ERCC1: variants seen among roughly 807,000 people sequenced by gnomAD.
ERCC1 encodes ERCC excision repair 1, endonuclease non-catalytic subunit.
In ERCC1, 36 loss-of-function variants were observed where a neutral mutation model predicts 37.6. That is an observed-to-expected ratio of 0.96 (90% CI 0.73 to 1.26). The LOEUF is 1.26. ERCC1 is among the 50% of genes most tolerant of loss of function. The pLI is 0.00. For synonymous variants in ERCC1, 156 were observed against 162.1 expected (o/e 0.96, Z 0.28); for missense variants, 349 against 376.5 (o/e 0.93, Z 0.60).
intron 1 of ERCC1, among the ~76,000 whole-genome samples, chr19:45,432,177 A>G (rs1974850951): frequency 6.6e-6 from 1 of 151,902 alleles, no homozygotes; most frequent in African/African-American, 2.4e-5. Flanking sequence ...TCACCATGTT[A>G]GCCAGGCTGC....
intron 1 of ERCC1, 80 bp downstream of exon 1, chr19:45,423,701 T>G: frequency 8.2e-7 from 1 of 1,219,906 alleles, no homozygotes. Context: ...TCCCCACGCC[T>G]GGCCTTGTCC....
At chr19:45,418,127 C>T (rs553468383) in intron 5 of ERCC1, among the ~76,000 whole-genome samples, 1 of 152,112 alleles carries the variant, frequency 6.6e-6, no homozygotes, top group South Asian at 2.1e-4. Flanking sequence ...ACTTTAGGAT[C>T]ACCTGAGATC....
chr19:45,425,082 A>AT (rs35314737), upstream of ERCC1, among the ~76,000 whole-genome samples: 5,885 of 116,566 alleles, frequency 0.05, 194 homozygotes, highest in Non-Finnish European at 0.08. Context: ...TGCCCGGCTA[A>AT]TTTTTTTTTT....
chr19:45,414,819 G>T (rs754077524), intron 7 of ERCC1, 42 bp downstream of exon 7: 2 of 1,406,680 alleles, frequency 1.4e-6, no homozygotes, highest in Non-Finnish European at 1.0e-6. Flanking sequence ...CCCAGGAGCT[G>T]CGGGGAGGCC....
upstream of ERCC1, among the ~76,000 whole-genome samples, chr19:45,426,411 C>G (rs1974693705): frequency 6.8e-6 from 1 of 146,004 alleles, no homozygotes; most frequent in African/African-American, 2.6e-5. Flanking sequence ...ATTAGCCGGG[C>G]ATGGTGGCAC....
chr19:45,413,633 C>G (rs1479722299), intron 9 of ERCC1, 44 bp downstream of exon 9: 6 of 1,614,198 alleles, frequency 3.7e-6, no homozygotes, highest in South Asian at 1.1e-5. Context: ...ATTTGGGGCT[C>G]TCTCCTTCCC....
chr19:45,434,641 A>G (rs750275546), intron 1 of ERCC1, among the ~76,000 whole-genome samples: 1 of 152,108 alleles, frequency 6.6e-6, no homozygotes, highest in Non-Finnish European at 1.5e-5. Flanking sequence ...GCTGGAGTGC[A>G]GTGGTACGAC....
intron 1 of ERCC1, among the ~76,000 whole-genome samples, chr19:45,447,963 C>T (rs1197639716): frequency 3.3e-5 from 5 of 151,878 alleles, no homozygotes; most frequent in African/African-American, 1.2e-4. Flanking sequence ...CCTCTGCCTC[C>T]CAGGTTCAAG....
chr19:45,421,223 C>T lies in ERCC1; in HGVS notation c.276G>A (p.Leu92=). The T allele has an allele frequency of 6.2e-7, 1 of 1,614,216 alleles. No homozygotes were observed. The highest frequency in any genetic ancestry group is 1.1e-5 in the South Asian group (1 of 91,084). The change falls in exon 3 of 10, where the codon CTG becomes CTA. Residue 92 remains leucine, a synonymous_variant. Transcript: ENST00000300853. The part of the protein sequence containing the change: ...PLAGETPNQA[L]KPGAKSNSII... ...TGCTGTTGGATTTTGCCCCGGGTTT[C>T]AGGGCCTGGTTGGGCGTCTCTCCTG... is the stretch of plus-strand genomic sequence containing the variant.
rs536660390 is a variant in ERCC1 at position 45,433,037 on chromosome 19, G to A, written c.-7-9656C>T. 4.6e-5 allele frequency among the ~76,000 whole-genome samples: 7 copies of A among 152,100 alleles called. No homozygotes were observed. The South Asian group carries it at 1.0e-3, about 23-fold the overall frequency. The stretch of plus-strand genomic sequence containing the variant: ...GGAGTTTGCGGTGAGCCGAGATCGC[G>A]CCACTGCACTCCAGCCTGGGCAACA... On this transcript the variant is annotated intron_variant, in intron 1 of 8. Transcript: ENST00000423698.
In ERCC1 at chr19:45,407,632, G is replaced by T; in HGVS notation, c.*2043C>A. The T allele has an allele frequency of 3.8e-6, 1 of 266,580 alleles. No homozygotes were observed. Among genetic ancestry groups the T allele is most frequent in the Non-Finnish European group, 7.1e-6 (1 of 141,364 alleles). The allele number at this position is 266,580 out of a possible 1,614,324, so 16.5% of individuals were successfully genotyped here. A position where few individuals can be genotyped will look rare whatever the true frequency, so the allele number is the denominator to read the frequency against. The stretch of plus-strand genomic sequence containing the variant: ...AGGCTTGGTGGAACATGTTCTGTAT[G>T]GCCATAAATATTCTGTAATTATAAT... On this transcript the variant is annotated 3_prime_UTR_variant, in exon 10 of 10. Coordinates refer to ENST00000300853, the MANE Select transcript of ERCC1 (RefSeq NM_001983.4).
At chr19:45,447,904 C>T (rs1173408442) in intron 1 of ERCC1, among the ~76,000 whole-genome samples, 4 of 148,640 alleles carry the variant, frequency 2.7e-5, no homozygotes, top group Non-Finnish European at 5.9e-5. Flanking sequence ...TAGTATCTTG[C>T]TCTGTCACCC....
chr19:45,408,166 C>T lies in ERCC1; in HGVS notation c.*1509G>A. ...GGCGGCATGTGCCTCTCTCTGGCTC[C>T]CAGATCGTCAAGGGCAAATTGGCAG... On this transcript the variant is annotated 3_prime_UTR_variant, in exon 10 of 10. Transcript: ENST00000300853. 6.2e-7 allele frequency: 1 copy of T among 1,609,152 alleles called. No homozygotes were observed.
chr19:45,423,870 G>A lies in ERCC1; in HGVS notation c.-97C>T. The A allele has an allele frequency of 9.0e-7, 1 of 1,106,892 alleles. No homozygotes were observed. The highest frequency in any genetic ancestry group is 4.5e-5 in the East Asian group (1 of 22,392). The allele number at this position is 1,106,892 out of a possible 1,614,324, so 68.6% of individuals were successfully genotyped here. A position where few individuals can be genotyped will look rare whatever the true frequency, so the allele number is the denominator to read the frequency against. On this transcript the variant is annotated 5_prime_UTR_variant, in exon 1 of 10. Transcript: ENST00000300853. ...GGAAAGACTGCAGAGGGATCGAGGC[G>A]GCCCACTGCCAGCACGGCCAGCGTG...
chr19:45,426,248 G>T (rs867079592), upstream of ERCC1, among the ~76,000 whole-genome samples: 1 of 151,880 alleles, frequency 6.6e-6, no homozygotes, highest in Non-Finnish European at 1.5e-5. Context: ...GCGTGGTAGC[G>T]CACACCTGTA....
At chr19:45,427,936 G>C (rs942292825), upstream of ERCC1, among the ~76,000 whole-genome samples, 72 of 152,182 alleles carry the variant, frequency 4.7e-4, no homozygotes, top group Admixed American at 1.0e-3. Flanking sequence ...CGCCGCCTGC[G>C]ATCAGTGGAA....
In ERCC1 at chr19:45,409,047, CA is replaced by C. The variant is rs1035579942; in HGVS notation, c.*627del. On this transcript the variant is annotated 3_prime_UTR_variant, in exon 10 of 10. Transcript: ENST00000300853. ...CCGGAGATGAAGCCTCTGGAGTCCC[CA>C]GGGGGGACCATGGCGCCTCAACAGC... The C allele has an allele frequency of 1.9e-6, 3 of 1,614,066 alleles. No homozygotes were observed. Among genetic ancestry groups the C allele is most frequent in the African/African-American group, 1.3e-5 (1 of 75,024 alleles).
intron 2 of ERCC1, among the ~76,000 whole-genome samples, chr19:45,422,490 G>A (rs1051145193): frequency 6.6e-6 from 1 of 152,044 alleles, no homozygotes; most frequent in African/African-American, 2.4e-5. Flanking sequence ...AGTAGGAAGG[G>A]GCCAGGCATG....
chr19:45,438,401 C>T (rs1461066657), intron 1 of ERCC1, among the ~76,000 whole-genome samples: 2 of 152,096 alleles, frequency 1.3e-5, no homozygotes, highest in Middle Eastern at 3.2e-3. Context: ...TTGCAATATA[C>T]ACCCAGAAGT....
Sources: allele counts gnomAD v4.1 joint callset (sites outside exome capture counted in the v4.1 genomes callset), GRCh38; gene constraint gnomAD v4.1.1; transcripts MANE v1.5; gene names NCBI Gene and HGNC (gene_info 2026-07-23, HGNC 2026-07-21).